UQCC3: variants seen among roughly 807,000 people sequenced by gnomAD.
The protein encoded by UQCC3 is ubiquinol-cytochrome-c reductase complex assembly factor 3.
A neutral mutation model predicts 3.4 loss-of-function variants in UQCC3; 3 were observed. The ratio of observed to expected loss-of-function variants is 0.88; its 90% CI spans 0.40 to 2.26. The LOEUF (loss-of-function observed/expected upper bound fraction) is 2.26. Among genes scored for constraint, UQCC3 ranks in the 30% most tolerant of loss-of-function variants. The pLI is 0.05. For synonymous variants in UQCC3, 57 were observed against 57.1 expected, an observed-to-expected ratio of 1.00 and a Z score of 0.00; for missense variants, 141 against 123.0, an observed-to-expected ratio of 1.15 and a Z score of -0.69.
At chr11:62,671,925 T>C (rs1944953185) in intron 1 of UQCC3, 28 bp from the exon 2 acceptor site, 3 of 1,612,954 alleles carry the variant, frequency 1.9e-6, no homozygotes, top group Non-Finnish European at 2.5e-6. Flanking sequence ...GGACTGGAGC[T>C]CCTGCGAACT....
Position 62,672,120 on chromosome 11 carries a change from G to C in UQCC3, c.*6G>C, listed in dbSNP as rs773098241. The C allele has an allele frequency of 4.5e-6, 7 of 1,567,068 alleles. No individual in the cohort carries two copies. The highest frequency in any genetic ancestry group is 2.3e-5 in the East Asian group (1 of 42,776). On this transcript the variant is annotated 3_prime_UTR_variant, in exon 2 of 2. Transcript: ENST00000377953. ...CCGGCGGGAGGTCACCGTGAGACCG[G>C]ACTTGCCTCCGTGGGCGCCGGACCT...
chr11:62,672,452 C>T lies in UQCC3; in HGVS notation c.*338C>T. 1 of 316,362 alleles carries T rather than the reference C, an allele frequency of 3.2e-6. No homozygotes were observed. Among genetic ancestry groups the T allele is most frequent in the Non-Finnish European group, 5.9e-6 (1 of 168,840 alleles). The allele number at this position is 316,362 out of a possible 1,614,324, so 19.6% of individuals were successfully genotyped here. ...GTGCTGGGGGCGCGGCCTGGAGCTG[C>T]TGCCTGTCCCACCCCACCAGAAGAG... is the stretch of plus-strand genomic sequence containing the variant. On this transcript the variant is annotated 3_prime_UTR_variant, in exon 2 of 2. Transcript: ENST00000377953.
rs1044486590 is a variant in UQCC3, at chr11:62,671,788, G to A, written c.43G>A (p.Gly15Ser). 6.2e-7 allele frequency: 1 copy of A among 1,614,174 alleles called. No individual in the cohort carries two copies. Among genetic ancestry groups the A allele is most frequent in the Non-Finnish European group, 8.5e-7 (1 of 1,180,028 alleles). Reference protein sequence around the residue: ...RKMLISVAMLGAGAGVGYALL... With the variant: ...RKMLISVAMLSAGAGVGYALL... ...AATGCTGATCTCAGTCGCAATGCTG[G>A]GCGCAGGGGCTGGCGTGGGCTACGC... The change falls in exon 1 of 2, where the codon GGC (glycine) becomes AGC (serine). Residue 15 changes from glycine to serine, a missense_variant. Coordinates refer to ENST00000377953, the MANE Select transcript of UQCC3 (RefSeq NM_001085372.3).
Position 62,671,990 on chromosome 11 carries a change from CGGCCAGGA to C in UQCC3, c.159_166del (p.Ala54ProfsTer114). ...CAGGACCCAAGGAGCAGGGAGGAGGCGGCCAGGACCCAGCAGCTATTGCTGGCCACTCT... is the reference window on the plus strand; with the variant it reads ...CAGGACCCAAGGAGCAGGGAGGAGGCCCCAGCAGCTATTGCTGGCCACTCT... On this transcript the variant is annotated frameshift_variant, in exon 2 of 2. Transcript: ENST00000377953. LOFTEE classifies it high-confidence loss of function. The C allele has an allele frequency of 3.7e-6, 6 of 1,613,918 alleles. No homozygotes were observed. Among genetic ancestry groups the C allele is most frequent in the Non-Finnish European group, 5.1e-6 (6 of 1,180,010 alleles).
chr11:62,672,129 C>T lies in UQCC3; in HGVS notation c.*15C>T. On this transcript the variant is annotated 3_prime_UTR_variant, in exon 2 of 2. Coordinates refer to ENST00000377953, the MANE Select transcript of UQCC3 (RefSeq NM_001085372.3). ...GGTCACCGTGAGACCGGACTTGCCT[C>T]CGTGGGCGCCGGACCTTGGCTTGGG... is the stretch of plus-strand genomic sequence containing the variant. The T allele has an allele frequency of 6.4e-7, 1 of 1,556,370 alleles. No individual in the cohort carries two copies.
rs771786748 is a variant in UQCC3 at position 62,672,119 on chromosome 11, G to A, written c.*5G>A. On this transcript the variant is annotated 3_prime_UTR_variant, in exon 2 of 2. Coordinates refer to ENST00000377953, the MANE Select transcript of UQCC3 (RefSeq NM_001085372.3). ...GCCGGCGGGAGGTCACCGTGAGACC[G>A]GACTTGCCTCCGTGGGCGCCGGACC... 20 of 1,567,768 alleles carry A rather than the reference G, an allele frequency of 1.3e-5. No homozygotes were observed. The highest frequency in any genetic ancestry group is 1.7e-5 in the Non-Finnish European group (20 of 1,157,824).
rs1944969532 is a variant in UQCC3, at chr11:62,672,935, T to C, written c.*821T>C. The C allele has an allele frequency of 6.6e-6, 1 of 152,096 alleles. No homozygotes were observed. Among genetic ancestry groups the C allele is most frequent in the African/African-American group, 2.4e-5 (1 of 41,400 alleles). The allele number at this position is 152,096 out of a possible 1,614,324, so 9.4% of individuals were successfully genotyped here. ...GCTGTTCTCCTTACTCAGCCTCCCATGTAGCTGGGATTACAGGCGTCCGCA... is the reference window on the plus strand; with the variant it reads ...GCTGTTCTCCTTACTCAGCCTCCCACGTAGCTGGGATTACAGGCGTCCGCA... On this transcript the variant is annotated 3_prime_UTR_variant, in exon 2 of 2. Coordinates refer to ENST00000377953, the MANE Select transcript of UQCC3 (RefSeq NM_001085372.3).
At position 62,671,737 on chromosome 11, in the gene UQCC3, C is replaced by CA; in HGVS notation, c.-8dup. The CA allele has an allele frequency of 1.2e-6, 2 of 1,612,772 alleles. No individual in the cohort carries two copies. Among genetic ancestry groups the CA allele is most frequent in the South Asian group, 2.2e-5 (2 of 91,044 alleles). ...TCCCGTGGGCGCTCCGCTGGCTGTG[C>CA]AGGCGGCCATGGATTCCTTGCGGAA... is the stretch of plus-strand genomic sequence containing the variant. On this transcript the variant is annotated 5_prime_UTR_variant, in exon 1 of 2. Coordinates refer to ENST00000377953, the MANE Select transcript of UQCC3 (RefSeq NM_001085372.3).
intron 1 of UQCC3, 34 bp from the exon 2 acceptor site, chr11:62,671,919 T>A: frequency 6.2e-7 from 1 of 1,613,162 alleles, no homozygotes; most frequent in South Asian, 1.1e-5. Context: ...AGCCCCGGAC[T>A]GGAGCTCCTG....
chr11:62,672,435 G>A lies in UQCC3; in HGVS notation c.*321G>A, dbSNP rs1415347243. On this transcript the variant is annotated 3_prime_UTR_variant, in exon 2 of 2. Transcript: ENST00000377953. ...TTAGAGACGCGTGGTCGGTGCTGGG[G>A]GCGCGGCCTGGAGCTGCTGCCTGTC... 6 of 377,148 alleles carry A rather than the reference G, an allele frequency of 1.6e-5. No homozygotes were observed. The highest frequency in any genetic ancestry group is 1.3e-4 in the African/African-American group (6 of 47,926). 23.4% of individuals were successfully genotyped at this position (377,148 alleles called of 1,614,324 possible).
chr11:62,672,006 G>A lies in UQCC3; in HGVS notation c.174G>A (p.Gln58=). 1 of 1,613,736 alleles carries A rather than the reference G, an allele frequency of 6.2e-7. No individual in the cohort carries two copies. The highest frequency in any genetic ancestry group is 8.5e-7 in the Non-Finnish European group (1 of 1,179,920). Residue 58 remains glutamine (Q), a synonymous_variant, in exon 2 of 2, where the codon CAG becomes CAA. Coordinates refer to ENST00000377953, the MANE Select transcript of UQCC3 (RefSeq NM_001085372.3). ...GGGAGGAGGCGGCCAGGACCCAGCA[G>A]CTATTGCTGGCCACTCTGCAGGAGG... is the stretch of plus-strand genomic sequence containing the variant. ...RSREEAARTQ[Q]LLLATLQEAA...
In UQCC3 at chr11:62,672,042, G is replaced by A. The variant is rs1318546671; in HGVS notation, c.210G>A (p.Thr70=). The A allele has an allele frequency of 3.1e-6, 5 of 1,611,738 alleles. No homozygotes were observed. Among genetic ancestry groups the A allele is most frequent in the Non-Finnish European group, 4.2e-6 (5 of 1,179,186 alleles). ...LLATLQEAAT[T]QENVAWRKNW... is the part of the protein sequence containing the mutation. ...CCACTCTGCAGGAGGCAGCGACCAC[G>A]CAGGAGAACGTGGCCTGGAGGAAGA... The change falls in exon 2 of 2, where the codon ACG becomes ACA. Residue 70 remains threonine, a synonymous_variant. Transcript: ENST00000377953.
intron 1 of UQCC3, 44 bp downstream of exon 1, chr11:62,671,909 A>C (rs1306876700): frequency 1.2e-6 from 2 of 1,613,034 alleles, no homozygotes; most frequent in Non-Finnish European, 1.7e-6. Flanking sequence ...GCGGGTGGAG[A>C]GCCCCGGACT....
chr11:62,672,935 T>A lies in UQCC3; in HGVS notation c.*821T>A, dbSNP rs1944969532. 6.6e-6 allele frequency: 1 copy of A among 152,214 alleles called. No homozygotes were observed. Among genetic ancestry groups the A allele is most frequent in the South Asian group, 2.1e-4 (1 of 4,828 alleles). 9.4% of individuals were successfully genotyped at this position (152,214 alleles called of 1,614,324 possible). On this transcript the variant is annotated 3_prime_UTR_variant, in exon 2 of 2. Coordinates refer to ENST00000377953, the MANE Select transcript of UQCC3 (RefSeq NM_001085372.3). The stretch of plus-strand genomic sequence containing the variant: ...GCTGTTCTCCTTACTCAGCCTCCCA[T>A]GTAGCTGGGATTACAGGCGTCCGCA...
rs1267267898 is a variant in UQCC3, at chr11:62,672,089, G to T, written c.257G>T (p.Gly86Val). The T allele has an allele frequency of 6.3e-7, 1 of 1,593,516 alleles. No homozygotes were observed. Among genetic ancestry groups the T allele is most frequent in the Non-Finnish European group, 8.5e-7 (1 of 1,170,420 alleles). Reference protein sequence around the residue: ...WRKNWMVGGEGGAGGRSP With the variant: ...WRKNWMVGGEVGAGGRSP Reference sequence around the variant, plus strand: ...AAGAACTGGATGGTTGGCGGCGAAGGCGGCGCCGGCGGGAGGTCACCGTGA... The same window carrying T: ...AAGAACTGGATGGTTGGCGGCGAAGTCGGCGCCGGCGGGAGGTCACCGTGA... The change falls in exon 2 of 2, where the codon GGC (glycine) becomes GTC (valine). Residue 86 changes from glycine to valine, a missense_variant. Transcript: ENST00000377953.
chr11:62,671,734 G>C lies in UQCC3; in HGVS notation c.-12G>C. ...AGCTCCCGTGGGCGCTCCGCTGGCTGTGCAGGCGGCCATGGATTCCTTGCG... is the reference window on the plus strand; with the variant it reads ...AGCTCCCGTGGGCGCTCCGCTGGCTCTGCAGGCGGCCATGGATTCCTTGCG... On this transcript the variant is annotated 5_prime_UTR_variant, in exon 1 of 2. Coordinates refer to ENST00000377953, the MANE Select transcript of UQCC3 (RefSeq NM_001085372.3). The C allele has an allele frequency of 6.2e-7, 1 of 1,612,774 alleles. No individual in the cohort carries two copies. The highest frequency in any genetic ancestry group is 1.1e-5 in the South Asian group (1 of 91,060).
In UQCC3 at chr11:62,671,802, C is replaced by T. The variant is rs1184372073; in HGVS notation, c.57C>T (p.Gly19=). 3.1e-6 allele frequency: 5 copies of T among 1,613,914 alleles called. No homozygotes were observed. The highest frequency in any genetic ancestry group is 1.7e-5 in the Admixed American group (1 of 59,980). Residue 19 remains glycine, a synonymous_variant, in exon 1 of 2, where the codon GGC becomes GGT. Coordinates refer to ENST00000377953, the MANE Select transcript of UQCC3 (RefSeq NM_001085372.3). The part of the protein sequence containing the change: ...ISVAMLGAGA[G]VGYALLVIVT... ...TCGCAATGCTGGGCGCAGGGGCTGG[C>T]GTGGGCTACGCGCTCCTCGTTATCG... is the stretch of plus-strand genomic sequence containing the variant.
Position 62,672,351 on chromosome 11 carries a change from AC to A in UQCC3, c.*239del, listed in dbSNP as rs1484646344. The A allele has an allele frequency of 1.8e-6, 1 of 569,604 alleles. No homozygotes were observed. The highest frequency in any genetic ancestry group is 1.9e-5 in the African/African-American group (1 of 53,206). 35.3% of individuals were successfully genotyped at this position (569,604 alleles called of 1,614,324 possible). On this transcript the variant is annotated 3_prime_UTR_variant, in exon 2 of 2. Transcript: ENST00000377953. ...GAGTCGGATGTGGTGAACTGAAAGAACCAATAAAATCATGTTCCTCCACCCA... is the reference window on the plus strand; with the variant it reads ...GAGTCGGATGTGGTGAACTGAAAGAACAATAAAATCATGTTCCTCCACCCA...
Position 62,671,830 on chromosome 11 carries a change from A to C in UQCC3, c.85A>C (p.Thr29Pro), listed in dbSNP as rs781087247. 3.1e-6 allele frequency: 5 copies of C among 1,613,840 alleles called. No individual in the cohort carries two copies. The African/African-American group carries it at 6.7e-5, about 22-fold the overall frequency. The change falls in exon 1 of 2, where the codon ACC becomes CCC. Residue 29 changes from threonine (T) to proline (P), a missense_variant. Thr to Pro is a conservative substitution (Grantham distance 38, BLOSUM62 -1). Coordinates refer to ENST00000377953, the MANE Select transcript of UQCC3 (RefSeq NM_001085372.3). ...GVGYALLVIV[T>P]PGERRKQEML... ...GGGCTACGCGCTCCTCGTTATCGTG[A>C]CCCCGGGAGAGCGGCGGAAGCAGGA...
Sources: allele counts gnomAD v4.1 joint callset, GRCh38; gene constraint gnomAD v4.1.1; transcripts MANE v1.5; gene names NCBI Gene and HGNC (gene_info 2026-07-23, HGNC 2026-07-21).